Variants in CDYL2 observed in about 807,000 individuals in gnomAD.
CDYL2 encodes the protein chromodomain Y-like protein 2.
Under a neutral mutation model 49.4 loss-of-function variants are expected in CDYL2, and 23 were observed. The ratio of observed to expected loss-of-function variants is 0.47; its 90% CI spans 0.34 to 0.66. The LOEUF (loss-of-function observed/expected upper bound fraction) is 0.66. Ranked by LOEUF, CDYL2 falls within the 30% of genes least tolerant of loss-of-function variation. CDYL2 has a pLI of 0.01. For missense variants in CDYL2, 678 were observed against 656.4 expected (o/e 1.03, Z -0.36); for synonymous variants, 360 against 268.8 (o/e 1.34, Z -3.32).
Position 80,598,169 on chromosome 16 carries a change from A to G in CDYL2, c.*6219T>C, listed in dbSNP as rs1442188486. The G allele has an allele frequency of 6.6e-6, 1 of 152,106 alleles. No individual in the cohort carries two copies. The highest frequency in any genetic ancestry group is 1.5e-5 in the Non-Finnish European group (1 of 68,032). 9.4% of individuals were successfully genotyped at this position (152,106 alleles called of 1,614,324 possible). On this transcript the variant is annotated 3_prime_UTR_variant, in exon 7 of 7. Coordinates refer to ENST00000570137, the MANE Select transcript of CDYL2 (RefSeq NM_152342.4). Reference sequence around the variant, plus strand: ...TCAGCTGTACCTTCTTTATAATTCTATGAAGTACTCAGACTTACAAATATT... The same window carrying G: ...TCAGCTGTACCTTCTTTATAATTCTGTGAAGTACTCAGACTTACAAATATT...
intron 3 of CDYL2, among the ~76,000 whole-genome samples, chr16:80,623,542 C>A (rs1001261461): frequency 6.6e-6 from 1 of 152,226 alleles, no homozygotes; most frequent in Admixed American, 6.5e-5. Flanking sequence ...CCTAGAAATG[C>A]AGAGTCTTGG....
chr16:80,653,223 T>C (rs1191669365), intron 2 of CDYL2, among the ~76,000 whole-genome samples: 1 of 152,218 alleles, frequency 6.6e-6, no homozygotes, highest in Admixed American at 6.5e-5. Context: ...CCTGGCACTT[T>C]GGGAGGCCAA....
chr16:80,703,787 C>A (rs943401813), intron 1 of CDYL2, among the ~76,000 whole-genome samples: 6 of 152,182 alleles, frequency 3.9e-5, no homozygotes, highest in African/African-American at 1.4e-4. Flanking sequence ...GGGTCCTGCC[C>A]TCTTGACCTC....
chr16:80,635,117 C>T (rs72806108), intron 2 of CDYL2, among the ~76,000 whole-genome samples: 18 of 152,110 alleles, frequency 1.2e-4, no homozygotes, highest in South Asian at 4.1e-4. Context: ...GGGAATTATA[C>T]GCCACAATCA....
intron 1 of CDYL2, among the ~76,000 whole-genome samples, chr16:80,776,677 G>T (rs1907094377): frequency 6.6e-6 from 1 of 150,844 alleles, no homozygotes; most frequent in Non-Finnish European, 1.5e-5. Context: ...ATATTAACAT[G>T]GATAAATCTT....
chr16:80,756,926 T>C (rs1200658989), intron 1 of CDYL2, among the ~76,000 whole-genome samples: 2 of 151,966 alleles, frequency 1.3e-5, no homozygotes, highest in East Asian at 3.9e-4. Context: ...TTCCTGTTTT[T>C]AAAAAATAGT....
At chr16:80,611,875 C>T (rs1906612835) in intron 5 of CDYL2, among the ~76,000 whole-genome samples, 1 of 152,242 alleles carries the variant, frequency 6.6e-6, no homozygotes, top group African/African-American at 2.4e-5. Flanking sequence ...AATCTGACCA[C>T]AGCTTACAGT....
At chr16:80,795,773 T>C (rs552579931) in intron 1 of CDYL2, among the ~76,000 whole-genome samples, 1 of 152,206 alleles carries the variant, frequency 6.6e-6, no homozygotes, top group Non-Finnish European at 1.5e-5. Flanking sequence ...TTCTTAGAGT[T>C]ACCAGTTCTA....
chr16:80,689,626 G>A (rs1373439080), intron 1 of CDYL2, among the ~76,000 whole-genome samples: 1 of 152,156 alleles, frequency 6.6e-6, no homozygotes, highest in Non-Finnish European at 1.5e-5. Flanking sequence ...ATGAACCATT[G>A]GAACAGCAAC....
intron 1 of CDYL2, among the ~76,000 whole-genome samples, chr16:80,758,240 C>T (rs1906381818): frequency 6.6e-6 from 1 of 152,064 alleles, no homozygotes; most frequent in African/African-American, 2.4e-5. Context: ...TTAGCTAAGA[C>T]ATTTTACCCC....
At chr16:80,725,769 T>C (rs1306219751) in intron 1 of CDYL2, among the ~76,000 whole-genome samples, 1 of 152,240 alleles carries the variant, frequency 6.6e-6, no homozygotes. Flanking sequence ...TAACGCGCTT[T>C]AGCAACAAGC....
intron 1 of CDYL2, among the ~76,000 whole-genome samples, chr16:80,686,076 G>A (rs1030694646): frequency 6.6e-6 from 1 of 152,194 alleles, no homozygotes; most frequent in African/African-American, 2.4e-5. Flanking sequence ...TTGCATATAA[G>A]GCAACTCGCC....
chr16:80,689,895 C>T (rs984135505), intron 1 of CDYL2, among the ~76,000 whole-genome samples: 5 of 151,978 alleles, frequency 3.3e-5, no homozygotes, highest in Non-Finnish European at 4.4e-5. Context: ...CTGAGGTGGC[C>T]GGATCACCTG....
At chr16:80,658,864 T>TTG (rs113324853) in intron 2 of CDYL2, among the ~76,000 whole-genome samples, 3,990 of 152,254 alleles carry the variant, frequency 0.026, 145 homozygotes, top group African/African-American at 0.072. Flanking sequence ...GAAAATCTTA[T>TTG]TGTACCTAAA....
chr16:80,749,873 T>G (rs964616715), intron 1 of CDYL2, among the ~76,000 whole-genome samples: 3 of 152,182 alleles, frequency 2.0e-5, no homozygotes, highest in Non-Finnish European at 2.9e-5. Context: ...TAAGAAAATG[T>G]GGCACATAGA....
intron 1 of CDYL2, among the ~76,000 whole-genome samples, chr16:80,706,268 T>C (rs1904401676): frequency 6.6e-6 from 1 of 152,156 alleles, no homozygotes; most frequent in Non-Finnish European, 1.5e-5. Context: ...CTTCAACAGG[T>C]TTGTGAAAAA....
Position 80,684,878 on chromosome 16 carries a change from T to A in CDYL2, c.276A>T (p.Arg92Ser). 6.2e-7 allele frequency: 1 copy of A among 1,614,138 alleles called. No homozygotes were observed. The change falls in exon 2 of 7, where the codon AGA (arginine) becomes AGT (serine). Residue 92 changes from arginine to serine, a missense_variant. Physicochemically the swap from Arg to Ser is moderately radical, Grantham distance 110. This residue lies in a region of CDYL2 where 478 missense variants were observed against 427.0 expected (regional missense o/e 1.12). Transcript: ENST00000570137. ...RGPSVEKLSH[R>S]PSDPGKSKGT... ...CCTTGCTCTTTCCAGGATCTGAAGG[T>A]CTGTGGGACAGTTTCTCAACCGACG...
At chr16:80,642,261 G>A (rs1169071461) in intron 2 of CDYL2, among the ~76,000 whole-genome samples, 1 of 152,082 alleles carries the variant, frequency 6.6e-6, no homozygotes, top group Non-Finnish European at 1.5e-5. Flanking sequence ...TGGCCAAAGT[G>A]ATGAAACCCC....
At chr16:80,771,310 T>C (rs895212535) in intron 1 of CDYL2, among the ~76,000 whole-genome samples, 2 of 151,996 alleles carry the variant, frequency 1.3e-5, no homozygotes, top group Non-Finnish European at 2.9e-5. Context: ...TAGCCCAGGG[T>C]CTAGGGGGAC....
Sources: gnomAD v4.1 joint callset for allele counts (sites outside exome capture counted in the v4.1 genomes callset) on GRCh38, gnomAD v4.1.1 for gene constraint, gnomAD v4.1.1 regional missense constraint, MANE v1.5 for transcripts, NCBI Gene and HGNC (gene_info 2026-07-23, HGNC 2026-07-21) for gene names.